The following GRIA2 variants were observed in gnomAD, a reference collection of about 807,000 sequenced individuals.
The protein encoded by GRIA2 is glutamate ionotropic receptor AMPA type subunit 2.
In GRIA2, 14 loss-of-function variants were observed where a neutral mutation model predicts 97.3. The ratio of observed to expected loss-of-function variants is 0.14; its 90% confidence interval spans 0.10 to 0.23. GRIA2 has a LOEUF of 0.23. GRIA2 is among the 10% of genes least tolerant of loss of function. The pLI is 1.00. For synonymous variants in GRIA2, 412 were observed against 387.8 expected, an observed-to-expected ratio of 1.06 and a Z score of -0.73; for missense variants, 558 against 1,069.8, an observed-to-expected ratio of 0.52 and a Z score of 6.67.
chr4:157,321,246 G>A lies in GRIA2; in HGVS notation c.721-192G>A, dbSNP rs114113949. On this transcript the variant is annotated intron_variant, in intron 5 of 15. Transcript: ENST00000264426. The stretch of plus-strand genomic sequence containing the variant: ...CGTGTATTGATTAGGGAACCACTAT[G>A]ATGCTAATGTGGGGTTAGGTGCTGA... Among the ~76,000 whole-genome samples the A allele has an allele frequency of 6.6e-3, 1,002 of 152,268 alleles. 6 individuals are homozygous for A. The highest frequency in any genetic ancestry group is 0.02 in the Middle Eastern group (6 of 294).
intron 2 of GRIA2, among the ~76,000 whole-genome samples, chr4:157,238,323 C>G (rs1407956239): frequency 6.6e-6 from 1 of 152,092 alleles, no homozygotes; most frequent in Non-Finnish European, 1.5e-5. Context: ...TTTTGTAGAA[C>G]TATGAACTTA....
chr4:157,302,267 AG>A (rs771970383), intron 2 of GRIA2, among the ~76,000 whole-genome samples: 10 of 152,074 alleles, frequency 6.6e-5, no homozygotes, highest in Non-Finnish European at 1.3e-4. Context: ...AGAGCATTAC[AG>A]GGGATCAGTC....
At chr4:157,250,237 A>G (rs1406098139) in intron 2 of GRIA2, among the ~76,000 whole-genome samples, 2 of 152,144 alleles carry the variant, frequency 1.3e-5, no homozygotes, top group Non-Finnish European at 2.9e-5. Context: ...GAGTAGAAAC[A>G]CAAAGCCCTA....
chr4:157,281,803 GA>G (rs1164467494), intron 2 of GRIA2, among the ~76,000 whole-genome samples: 2 of 152,052 alleles, frequency 1.3e-5, no homozygotes, highest in African/African-American at 4.8e-5. Context: ...CTGAAAATGT[GA>G]AACACTAAAT....
At chr4:157,295,795 C>T (rs1434332972) in intron 2 of GRIA2, among the ~76,000 whole-genome samples, 1 of 152,072 alleles carries the variant, frequency 6.6e-6, no homozygotes, top group Non-Finnish European at 1.5e-5. Flanking sequence ...ATGATTCCCC[C>T]CAATTTTTAC....
At chr4:157,313,295 A>T (rs970029479) in intron 4 of GRIA2, among the ~76,000 whole-genome samples, 1 of 152,110 alleles carries the variant, frequency 6.6e-6, no homozygotes. Flanking sequence ...TAGACCATCT[A>T]TGCCTCCAGA....
At chr4:157,259,274 C>T (rs1204311255) in intron 2 of GRIA2, among the ~76,000 whole-genome samples, 1 of 151,922 alleles carries the variant, frequency 6.6e-6, no homozygotes. Context: ...ATGTCTTTGG[C>T]CTACCTTCAC....
chr4:157,327,212 G>A (rs1454034749), intron 6 of GRIA2, among the ~76,000 whole-genome samples: 2 of 152,014 alleles, frequency 1.3e-5, no homozygotes, highest in African/African-American at 4.8e-5. Flanking sequence ...TCACACAGTG[G>A]TTTGCAAAGA....
intron 12 of GRIA2, among the ~76,000 whole-genome samples, chr4:157,343,726 A>G (rs1470425573): frequency 1.3e-5 from 2 of 152,152 alleles, no homozygotes; most frequent in Admixed American, 6.6e-5. Context: ...AGAGAAGCCA[A>G]TAAAACAGCA....
chr4:157,339,124 T>A (rs1735434976), intron 11 of GRIA2, among the ~76,000 whole-genome samples: 1 of 151,978 alleles, frequency 6.6e-6, no homozygotes, highest in Non-Finnish European at 1.5e-5. Flanking sequence ...CATGGTCTCA[T>A]GAAGAATAGA....
intron 5 of GRIA2, among the ~76,000 whole-genome samples, chr4:157,318,038 T>C (rs531589768): frequency 1.3e-5 from 2 of 152,266 alleles, no homozygotes; most frequent in South Asian, 4.1e-4. Flanking sequence ...TTGCTGCAAT[T>C]ATGTTTTAGA....
chr4:157,277,811 A>G (rs1001170180), intron 2 of GRIA2, among the ~76,000 whole-genome samples: 1 of 103,820 alleles, frequency 9.6e-6, no homozygotes, highest in Admixed American at 9.2e-5. Flanking sequence ...TAAAATATGT[A>G]TGCTATATAT....
rs188776736 is a variant in GRIA2 at position 157,234,922 on chromosome 4, A to C, written c.229+13115A>C. Among the ~76,000 whole-genome samples the C allele has an allele frequency of 7.3e-4, 111 of 152,208 alleles. 2 individuals carry two copies. Among genetic ancestry groups the C allele is most frequent in the Non-Finnish European group, 2.1e-4 (14 of 67,976 alleles). ...ATTTTTACTTACTGACAATGAGTAAAAATAAGGACTTCCTACATATGAACT... is the reference window on the plus strand; with the variant it reads ...ATTTTTACTTACTGACAATGAGTAACAATAAGGACTTCCTACATATGAACT... On this transcript the variant is annotated intron_variant, in intron 2 of 15. Transcript: ENST00000264426.
At chr4:157,357,014 G>A (rs771721591) in intron 12 of GRIA2, among the ~76,000 whole-genome samples, 1 of 152,146 alleles carries the variant, frequency 6.6e-6, no homozygotes, top group Non-Finnish European at 1.5e-5. Context: ...CTTCTTAGAT[G>A]AGAAGCCCAA....
chr4:157,240,309 A>G (rs1730447064), intron 2 of GRIA2, among the ~76,000 whole-genome samples: 1 of 152,150 alleles, frequency 6.6e-6, no homozygotes, highest in African/African-American at 2.4e-5. Context: ...TCTATTCCTC[A>G]GAATACATTA....
chr4:157,354,452 A>G (rs1403663464), intron 12 of GRIA2, among the ~76,000 whole-genome samples: 2 of 152,092 alleles, frequency 1.3e-5, no homozygotes, highest in Non-Finnish European at 2.9e-5. Context: ...ATACACTGTT[A>G]TTTTCTGTGA....
At chr4:157,298,638 T>TTTTTTA (rs1733468086) in intron 2 of GRIA2, among the ~76,000 whole-genome samples, 1 of 115,392 alleles carries the variant, frequency 8.7e-6, no homozygotes. Flanking sequence ...TTTTTTTTTT[T>TTTTTTA]GAGAGAGAAC....
intron 6 of GRIA2, among the ~76,000 whole-genome samples, chr4:157,331,148 G>C (rs562281313): frequency 1.3e-5 from 2 of 151,922 alleles, no homozygotes; most frequent in Non-Finnish European, 2.9e-5. Context: ...ATGGTAATAG[G>C]CTTAAGACTT....
At chr4:157,309,936 T>C (rs748790029) in intron 3 of GRIA2, among the ~76,000 whole-genome samples, 2 of 152,156 alleles carry the variant, frequency 1.3e-5, no homozygotes, top group Non-Finnish European at 2.9e-5. Context: ...CCCCCATCCA[T>C]GGATATAATG....
Sources: gnomAD v4.1 joint callset for allele counts (sites outside exome capture counted in the v4.1 genomes callset) on GRCh38, gnomAD v4.1.1 for gene constraint, MANE v1.5 for transcripts, NCBI Gene and HGNC (gene_info 2026-07-23, HGNC 2026-07-21) for gene names.